METAP1: variants seen among roughly 807,000 people sequenced by gnomAD.
The protein encoded by METAP1 is methionyl aminopeptidase 1, also known as methionine aminopeptidase 1.
In METAP1, 28 loss-of-function variants were observed where a neutral mutation model predicts 53.8. That is an observed-to-expected ratio of 0.52 (90% CI 0.39 to 0.71). The LOEUF is 0.71. METAP1 is among the 30% of genes least tolerant of loss of function. The pLI, the probability that METAP1 is intolerant of heterozygous loss-of-function variation, is 0.00. For synonymous variants in METAP1, 181 were observed against 165.7 expected (o/e 1.09, Z -0.71); for missense variants, 389 against 479.8 (o/e 0.81, Z 1.77).
At chr4:99,022,336 C>T in intron 1 of METAP1, 1 of 843,690 alleles carries the variant, frequency 1.2e-6, no homozygotes, top group Non-Finnish European at 1.7e-6. Flanking sequence ...CAGGGAAGAT[C>T]CCTCCATGCT....
intron 1 of METAP1, chr4:99,022,830 T>C (rs1024016757): frequency 1.3e-5 from 21 of 1,580,366 alleles, no homozygotes; most frequent in Non-Finnish European, 1.7e-5. Context: ...TAGTCCTTGC[T>C]GTGGTACTGC....
At chr4:99,007,582 G>A (rs1188799422) in intron 1 of METAP1, among the ~76,000 whole-genome samples, 2 of 151,078 alleles carry the variant, frequency 1.3e-5, no homozygotes, top group Middle Eastern at 3.2e-3. Flanking sequence ...TTTTCTGTAA[G>A]GTAGAGTTTT....
chr4:99,022,611 C>T (rs760677706), intron 1 of METAP1: 3 of 714,410 alleles, frequency 4.2e-6, no homozygotes, highest in Non-Finnish European at 7.4e-6. Context: ...GAGTGACCTC[C>T]ACTCTCAGGT....
intron 1 of METAP1, among the ~76,000 whole-genome samples, chr4:99,017,771 TTTC>T (rs1723862153): frequency 6.6e-6 from 1 of 152,268 alleles, no homozygotes; most frequent in Non-Finnish European, 1.5e-5. Flanking sequence ...AAAGGTAATC[TTTC>T]TGCTTTCTTC....
intron 1 of METAP1, among the ~76,000 whole-genome samples, chr4:99,011,648 G>C (rs916779279): frequency 4.6e-5 from 7 of 152,168 alleles, no homozygotes; most frequent in Admixed American, 1.3e-4. Context: ...TGGTTTCAAA[G>C]TATGAGCTTG....
At chr4:99,025,341 T>C in intron 1 of METAP1, 1 of 977,858 alleles carries the variant, frequency 1.0e-6, no homozygotes, top group South Asian at 4.7e-5. Context: ...ACTGTTTGAG[T>C]TATAATTTTG....
chr4:99,032,905 A>T (rs28594750), intron 2 of METAP1, among the ~76,000 whole-genome samples: 2,068 of 152,322 alleles, frequency 0.014, 40 homozygotes, highest in African/African-American at 0.047. Context: ...GGAGAAAGAT[A>T]TTTTAAAATT....
chr4:99,045,324 T>C lies in METAP1; in HGVS notation c.787+14T>C, dbSNP rs201781061. The C allele has an allele frequency of 2.0e-5, 32 of 1,612,936 alleles. No homozygotes were observed. The highest frequency in any genetic ancestry group is 1.7e-4 in the Middle Eastern group (1 of 6,048). On this transcript the variant is annotated intron_variant, in intron 8 of 10. Transcript: ENST00000296411. Reference sequence around the variant, plus strand: ...CCATTGATGCAGGTCAGCCTCAGTGTTGAGCACCTATTGGCAGTCCTGTGT... The same window carrying C: ...CCATTGATGCAGGTCAGCCTCAGTGCTGAGCACCTATTGGCAGTCCTGTGT...
intron 1 of METAP1, among the ~76,000 whole-genome samples, chr4:98,999,484 G>T (rs925231212): frequency 3.5e-5 from 5 of 144,868 alleles, no homozygotes; most frequent in Non-Finnish European, 7.5e-5. Context: ...TAGGAAAGTA[G>T]AAATATTTTA....
chr4:99,043,512 G>T (rs1377290934), intron 7 of METAP1, 125 bp downstream of exon 7: 1 of 965,778 alleles, frequency 1.0e-6, no homozygotes, highest in Non-Finnish European at 1.5e-6. Context: ...TTAAAATTCA[G>T]TATCACTAAC....
intron 1 of METAP1, among the ~76,000 whole-genome samples, chr4:99,027,674 A>G (rs1414631425): frequency 6.6e-6 from 1 of 152,098 alleles, no homozygotes; most frequent in Non-Finnish European, 1.5e-5. Context: ...ACCTCCCCAA[A>G]AGACTGAGCT....
chr4:99,048,839 G>T lies in METAP1; in HGVS notation c.894G>T (p.Lys298Asn). 6.2e-7 allele frequency: 1 copy of T among 1,614,002 alleles called. No homozygotes were observed. The highest frequency in any genetic ancestry group is 8.5e-7 in the Non-Finnish European group (1 of 1,179,890). ...VRSYCGHGIH[K>N]LFHTAPNVPH... Reference sequence around the variant, plus strand: ...GCTATTGTGGGCATGGAATCCACAAGCTTTTTCATACAGCTCCCAATGTAC... The same window carrying T: ...GCTATTGTGGGCATGGAATCCACAATCTTTTTCATACAGCTCCCAATGTAC... The change falls in exon 9 of 11, where the codon AAG (lysine) becomes AAT (asparagine). Residue 298 changes from lysine (K) to asparagine (N), a missense_variant. Lys to Asn is a moderately conservative substitution (Grantham distance 94). Coordinates refer to ENST00000296411, the MANE Select transcript of METAP1 (RefSeq NM_015143.3).
intron 4 of METAP1, 43 bp downstream of exon 4, chr4:99,035,503 C>T (rs772463359): frequency 7.2e-7 from 1 of 1,393,388 alleles, no homozygotes; most frequent in East Asian, 2.5e-5. Context: ...AATTTGTGGG[C>T]TTGATGACTA....
chr4:99,028,722 G>A, intron 1 of METAP1, 145 bp from the exon 2 acceptor site: 1 of 514,704 alleles, frequency 1.9e-6, no homozygotes. Flanking sequence ...CATTTCTTAA[G>A]CTTTTCCCAA....
At chr4:99,054,118 G>A (rs1331596080) in intron 9 of METAP1, among the ~76,000 whole-genome samples, 2 of 152,092 alleles carry the variant, frequency 1.3e-5, no homozygotes, top group Non-Finnish European at 2.9e-5. Flanking sequence ...TTTGAAGCCA[G>A]TTGTTGACTT....
intron 1 of METAP1, among the ~76,000 whole-genome samples, chr4:99,002,007 CT>C (rs1475454138): frequency 2.0e-5 from 3 of 152,146 alleles, no homozygotes; most frequent in Non-Finnish European, 2.9e-5. Context: ...TTTGAGTTAC[CT>C]TTTTGGAAAT....
chr4:99,010,284 T>C (rs548979381), intron 1 of METAP1, among the ~76,000 whole-genome samples: 14 of 152,200 alleles, frequency 9.2e-5, no homozygotes, highest in African/African-American at 3.4e-4. Flanking sequence ...TGAAACCCTT[T>C]CTCTACAAAG....
At chr4:99,021,052 G>A (rs908893401) in intron 1 of METAP1, among the ~76,000 whole-genome samples, 2 of 152,100 alleles carry the variant, frequency 1.3e-5, no homozygotes, top group African/African-American at 4.8e-5. Flanking sequence ...GGGATATCTT[G>A]TCTGCTCAAA....
intron 1 of METAP1, among the ~76,000 whole-genome samples, chr4:99,028,532 A>C (rs1724745442): frequency 6.6e-6 from 1 of 151,698 alleles, no homozygotes. Flanking sequence ...ATTTTCTTGC[A>C]GTTTTTTTCC....
Sources: gnomAD v4.1 joint callset for allele counts (sites outside exome capture counted in the v4.1 genomes callset) on GRCh38, gnomAD v4.1.1 for gene constraint, MANE v1.5 for transcripts, NCBI Gene and HGNC (gene_info 2026-07-23, HGNC 2026-07-21) for gene names.